Variants in VPS16 observed in about 807,000 individuals in gnomAD.
VPS16 encodes the protein vacuolar protein sorting-associated protein 16 homolog.
Under a neutral mutation model 116.0 loss-of-function variants are expected in VPS16, and 82 were observed. That is an observed-to-expected ratio of 0.71 (90% CI 0.59 to 0.85). The LOEUF (loss-of-function observed/expected upper bound fraction) is 0.85, where lower values mean the gene tolerates loss of function less well. Ranked by LOEUF, VPS16 falls within the 40% of genes least tolerant of loss-of-function variation. VPS16 has a pLI of 0.00. For missense variants in VPS16, 928 were observed against 1,090.6 expected (o/e 0.85, Z 2.10); for synonymous variants, 406 against 420.7 (o/e 0.96, Z 0.43).
Position 2,860,941 on chromosome 20 carries a change from G to A in VPS16, c.631-29G>A, listed in dbSNP as rs375666468. ...GGTTCTGAAAAGTCAGTATGTATCTGTCCCACCCCTACCCTGGCTCTGCCT... is the reference window on the plus strand; with the variant it reads ...GGTTCTGAAAAGTCAGTATGTATCTATCCCACCCCTACCCTGGCTCTGCCT... On this transcript the variant is annotated intron_variant, in intron 6 of 23. Transcript: ENST00000380445. This position sits in a 1 kb window ranked among gnomAD's most constrained non-coding sequence, Gnocchi z 6.1. 2 of 1,613,928 alleles carry A rather than the reference G, an allele frequency of 1.2e-6. No individual in the cohort carries two copies. The highest frequency in any genetic ancestry group is 1.7e-6 in the Non-Finnish European group (2 of 1,180,046).
intron 1 of VPS16, among the ~76,000 whole-genome samples, chr20:2,844,533 T>A (rs1044846742): frequency 4.6e-5 from 7 of 152,172 alleles, no homozygotes; most frequent in African/African-American, 7.2e-5. Flanking sequence ...ATAAAACAGA[T>A]GTGGAAGAGT....
chr20:2,861,592 C>T, intron 8 of VPS16, 23 bp from the exon 9 acceptor site: 2 of 1,596,070 alleles, frequency 1.3e-6, no homozygotes, highest in Non-Finnish European at 1.7e-6. Flanking sequence ...AGTGTCTAGC[C>T]AGTGTGTATA....
At chr20:2,856,009 A>G (rs555591469) in intron 1 of VPS16, among the ~76,000 whole-genome samples, 35 of 152,222 alleles carry the variant, frequency 2.3e-4, no homozygotes, top group Non-Finnish European at 4.1e-4. Flanking sequence ...AAGTTGGCTA[A>G]CTGGCACACG....
intron 1 of VPS16, among the ~76,000 whole-genome samples, chr20:2,851,671 AAAAC>A (rs2089122950): frequency 6.6e-6 from 1 of 150,916 alleles, no homozygotes; most frequent in African/African-American, 2.4e-5. Flanking sequence ...TCAAAAAAAA[AAAAC>A]AAAAAACACA....
At position 2,842,840 on chromosome 20, in the gene VPS16, CTATCGATAGATAGATG is replaced by C. The variant is rs1275573079; in HGVS notation, c.53+2018_53+2033del. Reference sequence around the variant, plus strand: ...TCTATAGATAGACATATAGATGTATCTATCGATAGATAGATGTATCTATCGATAGATAGATAGATGT... The same window carrying C: ...TCTATAGATAGACATATAGATGTATCTATCTATCGATAGATAGATAGATGT... On this transcript the variant is annotated intron_variant, in intron 1 of 23. Transcript: ENST00000380445. Among the ~76,000 whole-genome samples the C allele has an allele frequency of 3.1e-4, 45 of 147,140 alleles. 1 individual carries two copies. The highest frequency in any genetic ancestry group is 1.9e-3 in the Admixed American group (28 of 14,764).
rs1039453676 is a variant in VPS16, at chr20:2,863,410, G to C, written c.1476+12G>C. 2 of 1,613,364 alleles carry C rather than the reference G, an allele frequency of 1.2e-6. No individual in the cohort carries two copies. The highest frequency in any genetic ancestry group is 1.7e-6 in the Non-Finnish European group (2 of 1,179,492). Reference sequence around the variant, plus strand: ...GGGCCTGCTACAAGGCAAGGATGTGGGATGGGGTCCAAGGGCATTTAGAGG... The same window carrying C: ...GGGCCTGCTACAAGGCAAGGATGTGCGATGGGGTCCAAGGGCATTTAGAGG... On this transcript the variant is annotated intron_variant, in intron 15 of 23. Coordinates refer to ENST00000380445, the MANE Select transcript of VPS16 (RefSeq NM_022575.4). The surrounding 1 kb of genome is among the most constrained non-coding windows in gnomAD (Gnocchi z 4.4).
chr20:2,862,687 G>A lies in VPS16; in HGVS notation c.1180G>A (p.Asp394Asn), dbSNP rs770374982. The change falls in exon 12 of 24, where the codon GAC (aspartate) becomes AAC (asparagine). Residue 394 changes from aspartate (D) to asparagine (N), a missense_variant. Coordinates refer to ENST00000380445, the MANE Select transcript of VPS16 (RefSeq NM_022575.4). ...IEAAGHEHQP[D>N]MQKSLLRAAS... is the part of the protein sequence containing the mutation. ...GGCTGCAGGACATGAGCACCAGCCA[G>A]ACATGCAGAAGAGTCTGCTCAGGGT... 10 of 1,508,826 alleles carry A rather than the reference G, an allele frequency of 6.6e-6. No individual in the cohort carries two copies. Among genetic ancestry groups the A allele is most frequent in the Non-Finnish European group, 8.9e-6 (10 of 1,119,446 alleles). 93.5% of individuals were successfully genotyped at this position (1,508,826 alleles called of 1,614,324 possible).
rs144709067 is a variant in VPS16 at position 2,848,639 on chromosome 20, G to T, written c.53+7812G>T. On this transcript the variant is annotated intron_variant, in intron 1 of 23. Transcript: ENST00000380445. ...AAATTTAGGTCAGCTGCTTGTGAGT[G>T]ATGGGGTATAGGGTAAGGCCAGTTG... Among the ~76,000 whole-genome samples the T allele has an allele frequency of 5.1e-3, 771 of 152,316 alleles. 5 individuals carry two copies. Among genetic ancestry groups the T allele is most frequent in the Middle Eastern group, 6.8e-3 (2 of 294 alleles).
At chr20:2,853,407 CA>C (rs59314587) in intron 1 of VPS16, among the ~76,000 whole-genome samples, 36 of 148,086 alleles carry the variant, frequency 2.4e-4, no homozygotes, top group South Asian at 4.3e-4. Flanking sequence ...CAAACAACAA[CA>C]AAAAAAAAAA....
intron 1 of VPS16, among the ~76,000 whole-genome samples, chr20:2,850,006 A>G (rs2089101923): frequency 6.6e-6 from 1 of 152,178 alleles, no homozygotes; most frequent in South Asian, 2.1e-4. Flanking sequence ...CAGTCAGAAG[A>G]CTTAACATGG....
chr20:2,851,888 G>T, intron 1 of VPS16, among the ~76,000 whole-genome samples: 1 of 152,164 alleles, frequency 6.6e-6, no homozygotes, highest in Non-Finnish European at 1.5e-5. Flanking sequence ...GGAGGATGGC[G>T]TGAAGTCGGG....
rs778312739 is a variant in VPS16, at chr20:2,860,432, T to C, written c.370-17T>C. The stretch of plus-strand genomic sequence containing the variant: ...ATGACCCTGTGGCTCCCTTAACCCA[T>C]GGCCCCCTTTCCTCAGGAAGTGCTC... On this transcript the variant is annotated splice_polypyrimidine_tract_variant and intron_variant, in intron 4 of 23. Transcript: ENST00000380445. This position sits in a 1 kb window ranked among gnomAD's most constrained non-coding sequence, Gnocchi z 6.1. The C allele has an allele frequency of 1.9e-5, 31 of 1,613,940 alleles. No individual in the cohort carries two copies. In the East Asian group the frequency reaches 2.7e-4, roughly 14 times the overall value.
Position 2,863,101 on chromosome 20 carries a change from G to A in VPS16, c.1367+1G>A. On this transcript the variant is annotated splice_donor_variant, in intron 14 of 23. Transcript: ENST00000380445. LOFTEE classifies it high-confidence loss of function. This position sits in a 1 kb window ranked among gnomAD's most constrained non-coding sequence, Gnocchi z 4.4. ...TCACCATCCAGGTGCTGCTGGACAG[G>A]TAGGGTAAGCCCAAGGGTGCAGTGA... The A allele has an allele frequency of 1.2e-6, 2 of 1,614,012 alleles. No individual in the cohort carries two copies. Among genetic ancestry groups the A allele is most frequent in the Non-Finnish European group, 1.7e-6 (2 of 1,180,018 alleles).
rs2089286900 is a variant in VPS16 at position 2,864,243 on chromosome 20, A to C, written c.1676A>C (p.Lys559Thr). The C allele has an allele frequency of 6.2e-7, 1 of 1,614,078 alleles. No homozygotes were observed. Among genetic ancestry groups the C allele is most frequent in the African/African-American group, 1.3e-5 (1 of 74,932 alleles). Residue 559 changes from lysine to threonine, a missense_variant, in exon 17 of 24, where the codon AAA becomes ACA. Lys to Thr is a moderately conservative substitution (Grantham distance 78). Transcript: ENST00000380445. This position sits in a 1 kb window ranked among gnomAD's most constrained non-coding sequence, Gnocchi z 5.2. The part of the protein sequence containing the change: ...VPLLLKMKRS[K>T]LALSKAIESG... ...CTTCTCCTAAAGATGAAGAGGAGCA[A>C]ACTGGCACTAAGCAAGGCCATCGAG... is the stretch of plus-strand genomic sequence containing the variant.
At position 2,863,229 on chromosome 20, in the gene VPS16, C is replaced by A. The variant is rs1276400411; in HGVS notation, c.1368-61C>A. 3.7e-6 allele frequency: 6 copies of A among 1,610,406 alleles called. No individual in the cohort carries two copies. In the African/African-American group the frequency reaches 8.0e-5, roughly 22 times the overall value. On this transcript the variant is annotated intron_variant, in intron 14 of 23. Coordinates refer to ENST00000380445, the MANE Select transcript of VPS16 (RefSeq NM_022575.4). The surrounding 1 kb of genome is among the most constrained non-coding windows in gnomAD (Gnocchi z 4.4). Reference sequence around the variant, plus strand: ...GGAGGCCTGATGTGCAGGCTGAGGCCACTCTGCTCCCTTTCTCCTCCACCT... The same window carrying A: ...GGAGGCCTGATGTGCAGGCTGAGGCAACTCTGCTCCCTTTCTCCTCCACCT...
intron 1 of VPS16, among the ~76,000 whole-genome samples, chr20:2,849,012 A>G (rs965132139): frequency 6.6e-6 from 1 of 152,164 alleles, no homozygotes; most frequent in Admixed American, 6.5e-5. Context: ...ACCCCAAGTT[A>G]GGTTAGCAGG....
At chr20:2,856,702 T>A (rs925421218) in intron 1 of VPS16, among the ~76,000 whole-genome samples, 2 of 152,238 alleles carry the variant, frequency 1.3e-5, no homozygotes, top group Non-Finnish European at 2.9e-5. Flanking sequence ...TCTTCCTATA[T>A]GGCCCATAGT....
chr20:2,853,134 T>C lies in VPS16; in HGVS notation c.54-6585T>C, dbSNP rs761565003. Among the ~76,000 whole-genome samples, 31 of 152,314 alleles carry C rather than the reference T, an allele frequency of 2.0e-4. 1 individual carries two copies. Among genetic ancestry groups the C allele is most frequent in the South Asian group, 6.2e-4 (3 of 4,826 alleles). ...AGCCGGGCATGGTGGCTCACACTTGTAGTCCCAGCACTTTAGGAGGCCAAG... is the reference window on the plus strand; with the variant it reads ...AGCCGGGCATGGTGGCTCACACTTGCAGTCCCAGCACTTTAGGAGGCCAAG... On this transcript the variant is annotated intron_variant, in intron 1 of 23. Coordinates refer to ENST00000380445, the MANE Select transcript of VPS16 (RefSeq NM_022575.4).
At chr20:2,846,112 CTTTT>C (rs34440512) in intron 1 of VPS16, among the ~76,000 whole-genome samples, 2 of 89,686 alleles carry the variant, frequency 2.2e-5, no homozygotes. Context: ...CTGTACTCCG[CTTTT>C]TTTTTTTTTT....
Sources: allele counts gnomAD v4.1 joint callset (sites outside exome capture counted in the v4.1 genomes callset), GRCh38; gene constraint gnomAD v4.1.1; non-coding constraint Gnocchi (gnomAD v3.1); transcripts MANE v1.5; gene names NCBI Gene and HGNC (gene_info 2026-07-23, HGNC 2026-07-21).